RFTN2: variants seen among roughly 807,000 people sequenced by gnomAD.
The protein encoded by RFTN2 is raftlin family member 2.
Under a neutral mutation model 52.7 loss-of-function variants are expected in RFTN2, and 34 were observed. The observed-to-expected ratio is 0.64, with a 90% CI of 0.49 to 0.86. The LOEUF (loss-of-function observed/expected upper bound fraction) is 0.86. Among genes scored for constraint, RFTN2 ranks in the 40% least tolerant of loss-of-function variants. The pLI is 0.00. For missense variants in RFTN2, 536 were observed against 600.1 expected, an observed-to-expected ratio of 0.89 and a Z score of 1.12; for synonymous variants, 203 against 217.7, an observed-to-expected ratio of 0.93 and a Z score of 0.59.
intron 1 of RFTN2, among the ~76,000 whole-genome samples, chr2:197,662,839 G>C (rs1292397137): frequency 6.6e-6 from 1 of 151,972 alleles, no homozygotes; most frequent in Non-Finnish European, 1.5e-5. Flanking sequence ...ATGTTGCCCA[G>C]GCTGGTCTCA....
chr2:197,653,996 A>G (rs1424741244), intron 1 of RFTN2, among the ~76,000 whole-genome samples: 2 of 152,234 alleles, frequency 1.3e-5, no homozygotes, highest in Non-Finnish European at 2.9e-5. Context: ...ATTTATCTTA[A>G]GTAGAAAGCT....
intron 4 of RFTN2, among the ~76,000 whole-genome samples, chr2:197,631,583 T>C (rs1247725644): frequency 6.6e-6 from 1 of 152,244 alleles, no homozygotes; most frequent in Non-Finnish European, 1.5e-5. Flanking sequence ...ACTGTAGATA[T>C]GAATTGACCT....
Position 197,664,825 on chromosome 2 carries a change from A to T in RFTN2, c.139+10495T>A, listed in dbSNP as rs573594201. ...TGAGACTCATTTTCTGGCCTAACAT[A>T]TGATTTATTCTAGAGAATGTTCCAT... On this transcript the variant is annotated intron_variant, in intron 1 of 8. Coordinates refer to ENST00000295049, the MANE Select transcript of RFTN2 (RefSeq NM_144629.3). Among the ~76,000 whole-genome samples the T allele has an allele frequency of 9.0e-4, 137 of 152,304 alleles. 3 individuals are homozygous for T. The South Asian group carries it at 0.028, about 31-fold the overall frequency.
In RFTN2 at chr2:197,633,961, C is replaced by T. The variant is rs1440334987; in HGVS notation, c.475G>A (p.Gly159Arg). Residue 159 changes from glycine to arginine, a missense_variant, in exon 4 of 9, where the codon GGA (glycine) becomes AGA (arginine). Coordinates refer to ENST00000295049, the MANE Select transcript of RFTN2 (RefSeq NM_144629.3). Reference sequence around the variant, plus strand: ...GGAGAATAATGCTGTGATATGAATCCAACAAATTTCATTCCTCTTTTAGCA... The same window carrying T: ...GGAGAATAATGCTGTGATATGAATCTAACAAATTTCATTCCTCTTTTAGCA... ...VAAKRGMKFV[G>R]FISQHYSPSK... The T allele has an allele frequency of 6.2e-7, 1 of 1,612,406 alleles. No individual in the cohort carries two copies. The highest frequency in any genetic ancestry group is 1.3e-5 in the African/African-American group (1 of 74,852).
intron 8 of RFTN2, among the ~76,000 whole-genome samples, chr2:197,578,860 C>T (rs138046341): frequency 2.9e-4 from 44 of 152,292 alleles, no homozygotes; most frequent in Non-Finnish European, 5.6e-4. Context: ...GAGAAAGATC[C>T]ATCTACAACC....
intron 1 of RFTN2, among the ~76,000 whole-genome samples, chr2:197,658,631 A>C (rs2106264355): frequency 6.6e-6 from 1 of 152,208 alleles, no homozygotes; most frequent in East Asian, 1.9e-4. Context: ...AGGTAATGGT[A>C]GTTTGGCTAG....
Position 197,615,995 on chromosome 2 carries a change from T to C in RFTN2, c.1051-16A>G. 8 of 1,450,828 alleles carry C rather than the reference T, an allele frequency of 5.5e-6. No individual in the cohort carries two copies. The highest frequency in any genetic ancestry group is 7.6e-6 in the Non-Finnish European group (8 of 1,055,388). 89.9% of individuals were successfully genotyped at this position (1,450,828 alleles called of 1,614,324 possible). A position where few individuals can be genotyped will look rare whatever the true frequency, so the allele number is the denominator to read the frequency against. On this transcript the variant is annotated splice_polypyrimidine_tract_variant and intron_variant, in intron 6 of 8. Transcript: ENST00000295049. ...TTTCACATCCCTGCATGAATAAGTA[T>C]AAGAGCTCATAGTCTAATGGCAAAG...
At chr2:197,597,220 T>G (rs940406843) in intron 7 of RFTN2, among the ~76,000 whole-genome samples, 1 of 152,242 alleles carries the variant, frequency 6.6e-6, no homozygotes, top group Non-Finnish European at 1.5e-5. Flanking sequence ...CTTTTTTATT[T>G]TTGAAAGGCT....
chr2:197,633,841 C>T lies in RFTN2; in HGVS notation c.595G>A (p.Glu199Lys), dbSNP rs746098595. Residue 199 changes from glutamate (E) to lysine (K), a missense_variant, in exon 4 of 9, where the codon GAA becomes AAA. Coordinates refer to ENST00000295049, the MANE Select transcript of RFTN2 (RefSeq NM_144629.3). Reference protein sequence around the residue: ...GSDENCRSWNEGTLSGQSSES... With the variant: ...GSDENCRSWNKGTLSGQSSES... Reference sequence around the variant, plus strand: ...GATGACTGCCCACTTAACGTCCCTTCATTCCAACTTCTACAGTTTTCATCT... The same window carrying T: ...GATGACTGCCCACTTAACGTCCCTTTATTCCAACTTCTACAGTTTTCATCT... The T allele has an allele frequency of 1.6e-5, 26 of 1,613,846 alleles. No individual in the cohort carries two copies. Among genetic ancestry groups the T allele is most frequent in the Non-Finnish European group, 1.9e-5 (22 of 1,179,898 alleles).
At chr2:197,634,029 T>C in intron 3 of RFTN2, 32 bp from the exon 4 acceptor site, 1 of 1,557,398 alleles carries the variant, frequency 6.4e-7, no homozygotes, top group East Asian at 2.2e-5. Context: ...CAGAACAAAA[T>C]GTAAACTCTA....
chr2:197,589,635 A>G (rs1449556239), intron 8 of RFTN2, among the ~76,000 whole-genome samples: 3 of 152,024 alleles, frequency 2.0e-5, no homozygotes, highest in Non-Finnish European at 2.9e-5. Context: ...CTTTTCATGT[A>G]TTTACTTCTC....
At chr2:197,607,216 A>C (rs1031787588) in intron 7 of RFTN2, among the ~76,000 whole-genome samples, 1 of 152,194 alleles carries the variant, frequency 6.6e-6, no homozygotes, top group African/African-American at 2.4e-5. Flanking sequence ...CATTCTTAGC[A>C]AACTATTGCA....
At chr2:197,629,466 G>T (rs535111008) in intron 5 of RFTN2, among the ~76,000 whole-genome samples, 1 of 151,976 alleles carries the variant, frequency 6.6e-6, no homozygotes, top group Admixed American at 6.6e-5. Flanking sequence ...GATGGGGGAG[G>T]GATAGTATTA....
chr2:197,636,926 T>C (rs1485254163), intron 3 of RFTN2, among the ~76,000 whole-genome samples: 1 of 152,096 alleles, frequency 6.6e-6, no homozygotes, highest in African/African-American at 2.4e-5. Flanking sequence ...CAATACCTAA[T>C]TTATTGAGAG....
chr2:197,650,151 G>T lies in RFTN2; in HGVS notation c.140-3485C>A, dbSNP rs139042132. Among the ~76,000 whole-genome samples, 115 of 151,874 alleles carry T rather than the reference G, an allele frequency of 7.6e-4. No individual in the cohort carries two copies. In the East Asian group the frequency reaches 0.015, roughly 20 times the overall value. On this transcript the variant is annotated intron_variant, in intron 1 of 8. Coordinates refer to ENST00000295049, the MANE Select transcript of RFTN2 (RefSeq NM_144629.3). ...AAAATTGTAGGAAAAACAAAAATTT[G>T]CCATTTTAACCATTTTTTAGTGTAC...
chr2:197,616,274 A>ATTAATTTTATTTT (rs2088140445), intron 6 of RFTN2, among the ~76,000 whole-genome samples: 4 of 116,588 alleles, frequency 3.4e-5, no homozygotes, highest in African/African-American at 1.2e-4. Context: ...TCTGCATTTT[A>ATTAATTTTATTTT]TTTTATTTTA....
chr2:197,596,407 T>C (rs1464462884), intron 7 of RFTN2, among the ~76,000 whole-genome samples: 1 of 152,208 alleles, frequency 6.6e-6, no homozygotes, highest in African/African-American at 2.4e-5. Flanking sequence ...CTTGTGTAAT[T>C]TGCATGTCTG....
At chr2:197,641,843 T>G (rs1188660783) in intron 3 of RFTN2, among the ~76,000 whole-genome samples, 2 of 152,248 alleles carry the variant, frequency 1.3e-5, no homozygotes, top group Non-Finnish European at 2.9e-5. Flanking sequence ...CTATGTTTCC[T>G]GAAGCTTTTC....
chr2:197,607,238 C>A (rs556826856), intron 7 of RFTN2, among the ~76,000 whole-genome samples: 4 of 152,164 alleles, frequency 2.6e-5, no homozygotes, highest in Admixed American at 1.3e-4. Context: ...GGACAAAAAA[C>A]CAAACACCGC....
Sources: allele counts gnomAD v4.1 joint callset (sites outside exome capture counted in the v4.1 genomes callset), GRCh38; gene constraint gnomAD v4.1.1; transcripts MANE v1.5; gene names NCBI Gene and HGNC (gene_info 2026-07-23, HGNC 2026-07-21).